The following PDE7B variants were observed in gnomAD, a reference collection of about 807,000 sequenced individuals.
PDE7B encodes 3',5'-cyclic-AMP phosphodiesterase 7B.
A neutral mutation model predicts 56.2 loss-of-function variants in PDE7B; 29 were observed. The ratio of observed to expected loss-of-function variants is 0.52; its 90% CI spans 0.38 to 0.70. PDE7B has a LOEUF of 0.70. Ranked by LOEUF, PDE7B falls within the 30% of genes least tolerant of loss-of-function variation. PDE7B has a pLI of 0.00. For missense variants in PDE7B, 490 were observed against 565.0 expected (o/e 0.87, Z 1.35); for synonymous variants, 197 against 196.9 (o/e 1.00, Z 0.00).
chr6:135,896,073 A>G (rs950289451), intron 1 of PDE7B, among the ~76,000 whole-genome samples: 7 of 152,162 alleles, frequency 4.6e-5, no homozygotes, highest in Non-Finnish European at 1.5e-5. Context: ...ACTCAATGCT[A>G]TTTACAAGAA....
chr6:135,879,604 G>A (rs1176416167), intron 1 of PDE7B, among the ~76,000 whole-genome samples: 2 of 152,054 alleles, frequency 1.3e-5, no homozygotes, highest in Non-Finnish European at 2.9e-5. Context: ...GTAGACAACT[G>A]TAATGACCAT....
At chr6:136,102,432 G>A (rs1777578351) in intron 2 of PDE7B, among the ~76,000 whole-genome samples, 4 of 152,156 alleles carry the variant, frequency 2.6e-5, no homozygotes. Context: ...TTTGCTTGGT[G>A]GAAATTCTGG....
At chr6:135,992,881 A>C (rs1340518075) in intron 2 of PDE7B, among the ~76,000 whole-genome samples, 1 of 152,230 alleles carries the variant, frequency 6.6e-6, no homozygotes, top group Non-Finnish European at 1.5e-5. Context: ...TTTCAAGTAC[A>C]CAATCTCATG....
chr6:136,075,415 C>T (rs748072068), intron 2 of PDE7B, among the ~76,000 whole-genome samples: 7 of 152,212 alleles, frequency 4.6e-5, no homozygotes, highest in Middle Eastern at 6.8e-3. Context: ...TCTCTTTGTA[C>T]GTAATGAATG....
At chr6:135,906,626 ATTC>A (rs1453065918) in intron 1 of PDE7B, among the ~76,000 whole-genome samples, 1 of 152,110 alleles carries the variant, frequency 6.6e-6, no homozygotes, top group African/African-American at 2.4e-5. Flanking sequence ...GTTGGATTTT[ATTC>A]TTCAAATTAA....
At position 136,018,973 on chromosome 6, in the gene PDE7B, G is replaced by A. The variant is rs372770048; in HGVS notation, c.82+71449G>A. 9.2e-5 allele frequency among the ~76,000 whole-genome samples: 14 copies of A among 151,766 alleles called. 1 individual carries two copies. The highest frequency in any genetic ancestry group is 5.2e-4 in the Admixed American group (8 of 15,248). The stretch of plus-strand genomic sequence containing the variant: ...GGGCTTCCCCCTTCCCTCTCTCCCC[G>A]ACTAAGCCCAGAAATGTCTCATGGC... On this transcript the variant is annotated intron_variant, in intron 2 of 12. Transcript: ENST00000308191.
Position 136,191,649 on chromosome 6 carries a change from G to C in PDE7B, c.1162G>C (p.Glu388Gln), listed in dbSNP as rs1336972512. The change falls in exon 13 of 13, where the codon GAA becomes CAA. Residue 388 changes from glutamate to glutamine, a missense_variant. Transcript: ENST00000308191. Reference protein sequence around the residue: ...MSYIVEPLFREWAHFTGNSTL... With the variant: ...MSYIVEPLFRQWAHFTGNSTL... The stretch of plus-strand genomic sequence containing the variant: ...CTACATCGTGGAGCCGCTCTTCCGG[G>C]AATGGGCCCATTTCACGGGTAACAG... The C allele has an allele frequency of 3.1e-6, 5 of 1,614,134 alleles. No individual in the cohort carries two copies. The highest frequency in any genetic ancestry group is 4.2e-6 in the Non-Finnish European group (5 of 1,179,992).
At chr6:136,164,831 TTAAA>T (rs1178690763) in intron 8 of PDE7B, among the ~76,000 whole-genome samples, 2 of 152,188 alleles carry the variant, frequency 1.3e-5, no homozygotes, top group East Asian at 1.9e-4. Context: ...TATTTCTGAC[TTAAA>T]TAATAAGTTA....
intron 1 of PDE7B, among the ~76,000 whole-genome samples, chr6:135,918,859 A>G (rs748764227): frequency 5.9e-5 from 9 of 152,156 alleles, no homozygotes; most frequent in Non-Finnish European, 1.3e-4. Flanking sequence ...ATAATGAACA[A>G]AGTGTTTCCG....
intron 2 of PDE7B, among the ~76,000 whole-genome samples, chr6:136,000,564 A>C (rs922116893): frequency 6.6e-6 from 1 of 152,106 alleles, no homozygotes; most frequent in Admixed American, 6.6e-5. Flanking sequence ...CTAAAGGTGT[A>C]TGGCCTTATT....
At chr6:135,941,865 CACA>C (rs1268744189) in intron 1 of PDE7B, among the ~76,000 whole-genome samples, 2 of 152,136 alleles carry the variant, frequency 1.3e-5, no homozygotes, top group African/African-American at 2.4e-5. Context: ...GATATCAAGA[CACA>C]TTCTCTAAAA....
At chr6:136,168,242 GTATTGAGT>G (rs917308462) in intron 8 of PDE7B, among the ~76,000 whole-genome samples, 5 of 152,140 alleles carry the variant, frequency 3.3e-5, no homozygotes, top group African/African-American at 9.7e-5. Context: ...AGAGGTAAAG[GTATTGAGT>G]TATCTCAAAC....
chr6:135,902,572 A>G lies in PDE7B; in HGVS notation c.22-44892A>G, dbSNP rs185455529. On this transcript the variant is annotated intron_variant, in intron 1 of 12. Coordinates refer to ENST00000308191, the MANE Select transcript of PDE7B (RefSeq NM_018945.4). Reference sequence around the variant, plus strand: ...TTGCTGTGGCCTCTGCTTAATTTCAATATAGAAGGTTGATCAATGATCATC... The same window carrying G: ...TTGCTGTGGCCTCTGCTTAATTTCAGTATAGAAGGTTGATCAATGATCATC... Among the ~76,000 whole-genome samples, 470 of 152,260 alleles carry G rather than the reference A, an allele frequency of 3.1e-3. 2 individuals are homozygous for G. The highest frequency in any genetic ancestry group is 0.011 in the African/African-American group (449 of 41,550).
chr6:135,852,781 T>C (rs1774962359), intron 1 of PDE7B, among the ~76,000 whole-genome samples: 1 of 152,246 alleles, frequency 6.6e-6, no homozygotes, highest in Non-Finnish European at 1.5e-5. Context: ...TGGAGTCAGA[T>C]ATTCAATTAG....
At chr6:135,928,577 A>G (rs1252436012) in intron 1 of PDE7B, among the ~76,000 whole-genome samples, 2 of 146,140 alleles carry the variant, frequency 1.4e-5, no homozygotes, top group East Asian at 4.0e-4. Flanking sequence ...ACATATATAC[A>G]CACACATACA....
intron 1 of PDE7B, among the ~76,000 whole-genome samples, chr6:135,866,755 A>G (rs1311608644): frequency 6.6e-6 from 1 of 152,228 alleles, no homozygotes; most frequent in Non-Finnish European, 1.5e-5. Context: ...CTAATGTCTC[A>G]GAATGAAAAT....
chr6:135,926,489 G>C (rs1021632342), intron 1 of PDE7B, among the ~76,000 whole-genome samples: 5 of 134,742 alleles, frequency 3.7e-5, no homozygotes, highest in South Asian at 2.4e-4. Flanking sequence ...AACTGCGGGT[G>C]GGGGGGGCTT....
At chr6:135,928,035 T>C (rs750737474) in intron 1 of PDE7B, among the ~76,000 whole-genome samples, 28 of 151,990 alleles carry the variant, frequency 1.8e-4, no homozygotes, top group Non-Finnish European at 2.1e-4. Context: ...TATGAAAAAA[T>C]GCTCATCATC....
At chr6:135,868,767 T>A (rs1265724727) in intron 1 of PDE7B, among the ~76,000 whole-genome samples, 1 of 152,220 alleles carries the variant, frequency 6.6e-6, no homozygotes, top group Non-Finnish European at 1.5e-5. Flanking sequence ...ACAGTTCTGA[T>A]GGTGCCTGTG....
Sources: gnomAD v4.1 joint callset for allele counts (sites outside exome capture counted in the v4.1 genomes callset) on GRCh38, gnomAD v4.1.1 for gene constraint, MANE v1.5 for transcripts, NCBI Gene and HGNC (gene_info 2026-07-23, HGNC 2026-07-21) for gene names.